The following KIF1B variants were observed in gnomAD, a reference collection of about 807,000 sequenced individuals.
The protein encoded by KIF1B is kinesin family member 1B, also known as kinesin-like protein KIF1B.
In KIF1B, 76 loss-of-function variants were observed where a neutral mutation model predicts 241.9. The observed-to-expected ratio is 0.31, with a 90% CI of 0.26 to 0.38. The LOEUF (loss-of-function observed/expected upper bound fraction) is 0.38. Ranked by LOEUF, KIF1B falls within the 10% of genes least tolerant of loss-of-function variation. The pLI is 1.00. For missense variants in KIF1B, 1,622 were observed against 2,271.4 expected (o/e 0.71, Z 5.81); for synonymous variants, 750 against 796.7 (o/e 0.94, Z 0.99).
chr1:10,304,465 C>T (rs1332032974), intron 22 of KIF1B: 21 of 1,610,366 alleles, frequency 1.3e-5, no homozygotes, highest in African/African-American at 2.7e-5. Flanking sequence ...GCGCCATATT[C>T]ATCAACACCG....
At chr1:10,308,329 G>A in intron 22 of KIF1B, 1 of 1,055,296 alleles carries the variant, frequency 9.5e-7, no homozygotes, top group Non-Finnish European at 1.1e-6. Flanking sequence ...ATCTTTCCCA[G>A]ATTTTAAAAT....
At chr1:10,217,348 T>C (rs1311774647) in intron 1 of KIF1B, among the ~76,000 whole-genome samples, 2 of 150,462 alleles carry the variant, frequency 1.3e-5, no homozygotes, top group Non-Finnish European at 3.0e-5. Flanking sequence ...TTTTTCTTTT[T>C]TTTTTTTTTT....
At chr1:10,312,257 A>T (rs1651100649) in intron 22 of KIF1B, among the ~76,000 whole-genome samples, 1 of 151,496 alleles carries the variant, frequency 6.6e-6, no homozygotes, top group Admixed American at 6.6e-5. Context: ...ACATCCCATG[A>T]TCAGATCATC....
At chr1:10,223,095 T>TA (rs1646865738) in intron 1 of KIF1B, among the ~76,000 whole-genome samples, 1 of 151,470 alleles carries the variant, frequency 6.6e-6, no homozygotes, top group South Asian at 2.1e-4. Flanking sequence ...CTACTAAAAA[T>TA]ACAAAAATTA....
At chr1:10,363,001 G>A (rs982882295) in intron 40 of KIF1B, among the ~76,000 whole-genome samples, 1 of 152,194 alleles carries the variant, frequency 6.6e-6, no homozygotes, top group African/African-American at 2.4e-5. Context: ...TAGTCCAGGA[G>A]TTCGAGGCTG....
At chr1:10,295,029 T>C (rs916764139) in intron 17 of KIF1B, 57 bp from the exon 18 acceptor site, 1 of 1,146,018 alleles carries the variant, frequency 8.7e-7, no homozygotes, top group African/African-American at 1.5e-5. Flanking sequence ...CCCCTGTTGT[T>C]ACCACAGCTC....
intron 39 of KIF1B, among the ~76,000 whole-genome samples, chr1:10,361,417 T>G (rs555939046): frequency 4.1e-4 from 63 of 152,324 alleles, no homozygotes; most frequent in African/African-American, 1.4e-3. Flanking sequence ...GTGCTGCCAC[T>G]TACTTCCTCT....
chr1:10,364,637 G>A (rs1318570231), intron 41 of KIF1B, among the ~76,000 whole-genome samples: 2 of 152,138 alleles, frequency 1.3e-5, no homozygotes, highest in Admixed American at 6.5e-5. Context: ...TTTTAAAAAC[G>A]TTCAGTTGCT....
chr1:10,246,329 C>T (rs993314987), intron 2 of KIF1B, among the ~76,000 whole-genome samples: 11 of 152,204 alleles, frequency 7.2e-5, no homozygotes, highest in Non-Finnish European at 1.6e-4. Context: ...TCTTTGCCTT[C>T]ACAATATATC....
chr1:10,253,400 G>T (rs1293029286), intron 2 of KIF1B, among the ~76,000 whole-genome samples: 2 of 152,152 alleles, frequency 1.3e-5, no homozygotes, highest in Non-Finnish European at 2.9e-5. Flanking sequence ...CAGCACTTTG[G>T]GAAGCTGAGG....
intron 22 of KIF1B, chr1:10,307,705 A>C: frequency 1.1e-5 from 11 of 1,024,000 alleles, no homozygotes; most frequent in Non-Finnish European, 1.3e-5. Flanking sequence ...TTGTTGAGGT[A>C]TCCCTAGCTA....
chr1:10,339,717 G>T, intron 31 of KIF1B, 52 bp from the exon 32 acceptor site: 1 of 1,485,132 alleles, frequency 6.7e-7, no homozygotes, highest in Non-Finnish European at 9.3e-7. Flanking sequence ...AAGAGATTCT[G>T]ATAAAACCGT....
chr1:10,352,547 T>C, intron 37 of KIF1B, 84 bp from the exon 38 acceptor site: 1 of 1,216,912 alleles, frequency 8.2e-7, no homozygotes, highest in East Asian at 2.3e-5. Flanking sequence ...TACACAGAGA[T>C]TTAAAAGTCT....
At chr1:10,222,056 G>A (rs1454821246) in intron 1 of KIF1B, among the ~76,000 whole-genome samples, 4 of 152,166 alleles carry the variant, frequency 2.6e-5, no homozygotes, top group African/African-American at 7.2e-5. Flanking sequence ...ATTAGTATAT[G>A]AGAGGTAAGG....
intron 2 of KIF1B, among the ~76,000 whole-genome samples, chr1:10,251,456 T>C (rs1231162409): frequency 6.6e-6 from 1 of 151,954 alleles, no homozygotes; most frequent in Non-Finnish European, 1.5e-5. Context: ...CTTTATTGGC[T>C]GGGCGCGGTG....
intron 45 of KIF1B, among the ~76,000 whole-genome samples, chr1:10,372,659 CAGAGCTGTCACCCA>C (rs1372527312): frequency 6.7e-5 from 8 of 120,082 alleles, no homozygotes; most frequent in Non-Finnish European, 1.2e-4. Flanking sequence ...GCTTGGGTGA[CAGAGCTGTCACCCA>C]AGCTGGCGCG....
intron 23 of KIF1B, among the ~76,000 whole-genome samples, chr1:10,321,438 A>G (rs368563636): frequency 6.6e-6 from 1 of 151,812 alleles, no homozygotes; most frequent in Non-Finnish European, 1.5e-5. Flanking sequence ...CACATGTTAT[A>G]CCTTTTTTTA....
rs1192576575 is a variant in KIF1B at position 10,378,055 on chromosome 1, G to A, written c.*1468G>A. ...AAGTCTCCCTCTGAATCCAGCAGTT[G>A]TTTTCATTGATGCTTGTCAGGTTGA... On this transcript the variant is annotated 3_prime_UTR_variant, in exon 49 of 49. Coordinates refer to ENST00000676179, the MANE Select transcript of KIF1B (RefSeq NM_001365951.3). 2.4e-6 allele frequency: 1 copy of A among 419,422 alleles called. No individual in the cohort carries two copies. 26.0% of individuals were successfully genotyped at this position (419,422 alleles called of 1,614,324 possible). A position where few individuals can be genotyped will look rare whatever the true frequency, so the allele number is the denominator to read the frequency against.
At position 10,365,032 on chromosome 1, in the gene KIF1B, T is replaced by C; in HGVS notation, c.4367-68T>C. 8 of 1,353,606 alleles carry C rather than the reference T, an allele frequency of 5.9e-6. No individual in the cohort carries two copies. Among genetic ancestry groups the C allele is most frequent in the South Asian group, 3.8e-5 (3 of 78,802 alleles). 83.8% of individuals were successfully genotyped at this position (1,353,606 alleles called of 1,614,324 possible). ...AAAAAAAAAAAAAAAGAATTATTAA[T>C]TCGTTTTGACCTAAACTTGGAATTG... On this transcript the variant is annotated intron_variant, in intron 41 of 48. Coordinates refer to ENST00000676179, the MANE Select transcript of KIF1B (RefSeq NM_001365951.3). The surrounding 1 kb of genome is among the most constrained non-coding windows in gnomAD (Gnocchi z 4.0).
Sources: gnomAD v4.1 joint callset for allele counts (sites outside exome capture counted in the v4.1 genomes callset) on GRCh38, gnomAD v4.1.1 for gene constraint, Gnocchi (gnomAD v3.1) non-coding constraint, MANE v1.5 for transcripts, NCBI Gene and HGNC (gene_info 2026-07-23, HGNC 2026-07-21) for gene names.